The following ASPRV1 variants were observed in gnomAD, a reference collection of about 807,000 sequenced individuals.
ASPRV1 encodes the protein aspartic peptidase retroviral like 1.
ASPRV1 carries 7 observed loss-of-function variants against 11.0 expected under a neutral mutation model. The ratio of observed to expected loss-of-function variants is 0.64; its 90% CI spans 0.36 to 1.20. The LOEUF is 1.20. Ranked by LOEUF, ASPRV1 falls within the 50% of genes most tolerant of loss-of-function variation. The pLI, the probability that ASPRV1 is intolerant of heterozygous loss-of-function variation, is 0.02. For synonymous variants in ASPRV1, 136 were observed against 138.4 expected, an observed-to-expected ratio of 0.98 and a Z score of 0.12; for missense variants, 299 against 320.0, an observed-to-expected ratio of 0.93 and a Z score of 0.50.
At chr2:69,967,563 G>C in the ASPRV1 span, among the ~76,000 whole-genome samples, 1 of 152,202 alleles carries the variant, frequency 6.6e-6, no homozygotes, top group Non-Finnish European at 1.5e-5. Context: ...ATGCCTCGGA[G>C]AGATTGGGAT....
the ASPRV1 span, chr2:69,975,956 T>C: frequency 6.6e-6 from 1 of 152,658 alleles, no homozygotes; most frequent in African/African-American, 2.4e-5. Context: ...TCATGGGAAG[T>C]TGCTAAACAG....
the ASPRV1 span, chr2:69,988,403 A>G: frequency 5.9e-6 from 1 of 170,332 alleles, no homozygotes; most frequent in African/African-American, 2.4e-5. Context: ...GCTAAGTGAA[A>G]GAACCAGACA....
chr2:70,064,676 T>A, the ASPRV1 span, among the ~76,000 whole-genome samples: 11 of 152,156 alleles, frequency 7.2e-5, no homozygotes, highest in Non-Finnish European at 1.3e-4. Flanking sequence ...CTGATGCAGA[T>A]GATGCTGGAG....
the ASPRV1 span, among the ~76,000 whole-genome samples, chr2:70,068,760 C>A: frequency 1.3e-5 from 2 of 148,800 alleles, no homozygotes; most frequent in South Asian, 4.2e-4. Context: ...ATGGAGAAAA[C>A]GCGTCTCTAC....
the ASPRV1 span, among the ~76,000 whole-genome samples, chr2:69,943,691 G>A: frequency 2.4e-4 from 36 of 152,202 alleles, no homozygotes; most frequent in South Asian, 1.2e-3. Flanking sequence ...ATCAGGCTCC[G>A]TCCTAGAGGT....
the ASPRV1 span, among the ~76,000 whole-genome samples, chr2:69,943,434 AAGG>A: frequency 6.6e-6 from 1 of 152,092 alleles, no homozygotes; most frequent in South Asian, 2.1e-4. Context: ...TTTGCTGGGA[AAGG>A]AGCATTGCTG....
the ASPRV1 span, among the ~76,000 whole-genome samples, chr2:70,044,383 G>C: frequency 1.3e-5 from 2 of 152,128 alleles, no homozygotes; most frequent in African/African-American, 4.8e-5. Flanking sequence ...TAGCCCAGGG[G>C]CCAGGATCCC....
chr2:70,031,185 TGAG>T, the ASPRV1 span: 2 of 152,140 alleles, frequency 1.3e-5, no homozygotes, highest in Non-Finnish European at 2.9e-5. Flanking sequence ...TTTTTTTCTA[TGAG>T]GAGGATAATG....
chr2:70,004,610 C>T, the ASPRV1 span, among the ~76,000 whole-genome samples: 1 of 150,896 alleles, frequency 6.6e-6, no homozygotes, highest in African/African-American at 2.4e-5. Flanking sequence ...ACTTCAGACA[C>T]ATCAGTATTT....
At chr2:70,061,405 A>AC in the ASPRV1 span, among the ~76,000 whole-genome samples, 3 of 151,756 alleles carry the variant, frequency 2.0e-5, no homozygotes, top group Non-Finnish European at 4.4e-5. Context: ...AAAAAAAAAA[A>AC]AAAACAAAAA....
the ASPRV1 span, among the ~76,000 whole-genome samples, chr2:70,033,842 C>T: frequency 6.6e-6 from 1 of 152,134 alleles, no homozygotes; most frequent in Non-Finnish European, 1.5e-5. Flanking sequence ...AGTCTTCTGA[C>T]ACTGAGAATG....
the ASPRV1 span, among the ~76,000 whole-genome samples, chr2:69,974,337 CAA>C: frequency 6.9e-6 from 1 of 144,480 alleles, no homozygotes; most frequent in Non-Finnish European, 1.5e-5. Context: ...AACTCCATCT[CAA>C]AAAAAAAAAA....
the ASPRV1 span, among the ~76,000 whole-genome samples, chr2:70,007,815 C>G: frequency 6.6e-6 from 1 of 151,954 alleles, no homozygotes; most frequent in Non-Finnish European, 1.5e-5. Flanking sequence ...TGTTTTGAGT[C>G]TCCTACTATG....
At chr2:69,964,000 C>A (rs181949031), upstream of ASPRV1, among the ~76,000 whole-genome samples, 19 of 152,316 alleles carry the variant, frequency 1.2e-4, 1 homozygote, top group Admixed American at 1.1e-3. Flanking sequence ...TACTTGAAAT[C>A]AGACTTGGTG....
the ASPRV1 span, chr2:70,056,431 C>T: frequency 2.6e-5 from 4 of 151,590 alleles, no homozygotes; most frequent in Non-Finnish European, 4.4e-5. Context: ...CGGTGAAACC[C>T]CGTCTCTACT....
At chr2:69,994,777 C>T in the ASPRV1 span, among the ~76,000 whole-genome samples, 1 of 151,782 alleles carries the variant, frequency 6.6e-6, no homozygotes, top group African/African-American at 2.4e-5. Flanking sequence ...GAGGGCGGAT[C>T]ATGAGGTCAG....
the ASPRV1 span, among the ~76,000 whole-genome samples, chr2:69,988,293 T>C: frequency 6.6e-6 from 1 of 152,206 alleles, no homozygotes; most frequent in Non-Finnish European, 1.5e-5. Flanking sequence ...GCTGAACAGA[T>C]GAACATGTGG....
chr2:70,056,888 C>A, the ASPRV1 span, among the ~76,000 whole-genome samples: 1 of 151,858 alleles, frequency 6.6e-6, no homozygotes. Flanking sequence ...GCGTGCGCCA[C>A]CTCACCCAGC....
chr2:70,019,320 G>C, the ASPRV1 span: 1 of 152,134 alleles, frequency 6.6e-6, no homozygotes, highest in South Asian at 2.1e-4. Flanking sequence ...ACGCAAATGT[G>C]AATTAGTACA....
Sources: gnomAD v4.1 joint callset for allele counts (sites outside exome capture counted in the v4.1 genomes callset) on GRCh38, gnomAD v4.1.1 for gene constraint, MANE v1.5 for transcripts, NCBI Gene and HGNC (gene_info 2026-07-23, HGNC 2026-07-21) for gene names.